Variants in SGCZ observed in about 807,000 individuals in gnomAD.
The protein encoded by SGCZ is sarcoglycan zeta.
Under a neutral mutation model 41.3 loss-of-function variants are expected in SGCZ, and 40 were observed. The observed-to-expected ratio is 0.97, with a 90% CI of 0.75 to 1.26. The LOEUF (loss-of-function observed/expected upper bound fraction) is 1.26. Among genes scored for constraint, SGCZ ranks in the 50% most tolerant of loss-of-function variants. The pLI is 0.00. For missense variants in SGCZ, 552 were observed against 369.8 expected (o/e 1.49, Z -4.04); for synonymous variants, 206 against 137.5 (o/e 1.50, Z -3.49).
At chr8:14,783,557 A>T (rs1800656516) in intron 1 of SGCZ, among the ~76,000 whole-genome samples, 1 of 151,718 alleles carries the variant, frequency 6.6e-6, no homozygotes, top group Non-Finnish European at 1.5e-5. Context: ...ACAAAAATTT[A>T]AAATAACTAT....
In SGCZ at chr8:15,199,038, C is replaced by T. The variant is rs541441812; in HGVS notation, c.39+38547G>A. ...ATATGAGAGTATTAATACAGTGATT[C>T]GTTTAAAACATATTTCATGACTTTC... On this transcript the variant is annotated intron_variant, in intron 1 of 7. Coordinates refer to ENST00000382080, the MANE Select transcript of SGCZ (RefSeq NM_139167.4). Among the ~76,000 whole-genome samples, 6 of 152,186 alleles carry T rather than the reference C, an allele frequency of 3.9e-5. No homozygotes were observed. The South Asian group carries it at 1.2e-3, about 32-fold the overall frequency.
At chr8:14,141,821 T>A (rs182401185) in intron 5 of SGCZ, among the ~76,000 whole-genome samples, 5 of 152,184 alleles carry the variant, frequency 3.3e-5, no homozygotes, top group Admixed American at 2.6e-4. Flanking sequence ...ACTGGGTATA[T>A]ACCCAAAAGA....
Position 14,791,906 on chromosome 8 carries a change from A to T in SGCZ, c.40-236980T>A, listed in dbSNP as rs1428531313. Among the ~76,000 whole-genome samples the T allele has an allele frequency of 3.9e-5, 6 of 152,326 alleles. 1 individual carries two copies. The highest frequency in any genetic ancestry group is 1.2e-4 in the African/African-American group (5 of 41,582). On this transcript the variant is annotated intron_variant, in intron 1 of 7. Transcript: ENST00000382080. ...CAGATGGGTTACCTAAATCAATTCTAGCCGCACTTTCTCAATGCAAAGCAC... is the reference window on the plus strand; with the variant it reads ...CAGATGGGTTACCTAAATCAATTCTTGCCGCACTTTCTCAATGCAAAGCAC...
At chr8:14,495,834 T>C (rs967080214) in intron 2 of SGCZ, among the ~76,000 whole-genome samples, 1 of 152,114 alleles carries the variant, frequency 6.6e-6, no homozygotes, top group African/African-American at 2.4e-5. Context: ...GCCTAAAGTT[T>C]CAGGGGACTA....
intron 2 of SGCZ, among the ~76,000 whole-genome samples, chr8:14,327,003 G>A (rs1038038328): frequency 3.9e-5 from 6 of 152,048 alleles, no homozygotes; most frequent in African/African-American, 1.4e-4. Context: ...AAAAAAAATA[G>A]ATGTTTTCAA....
chr8:14,952,501 T>A (rs928743643), intron 1 of SGCZ, among the ~76,000 whole-genome samples: 4 of 152,178 alleles, frequency 2.6e-5, no homozygotes, highest in African/African-American at 7.2e-5. Flanking sequence ...GGAGGCATCA[T>A]TGAGTTAACC....
intron 1 of SGCZ, among the ~76,000 whole-genome samples, chr8:14,730,867 C>A (rs999981059): frequency 6.6e-6 from 1 of 151,690 alleles, no homozygotes; most frequent in African/African-American, 2.4e-5. Context: ...GAATGGCGAT[C>A]AATAAAAAGT....
At chr8:14,230,894 A>G (rs947416259) in intron 4 of SGCZ, among the ~76,000 whole-genome samples, 2 of 151,960 alleles carry the variant, frequency 1.3e-5, no homozygotes, top group African/African-American at 4.8e-5. Flanking sequence ...TCTACTGGTT[A>G]AAAAGTAAAG....
intron 1 of SGCZ, among the ~76,000 whole-genome samples, chr8:15,160,201 G>T (rs527505713): frequency 4.6e-5 from 7 of 152,186 alleles, no homozygotes; most frequent in East Asian, 1.9e-4. Flanking sequence ...ACATCTCAGG[G>T]AAGTGCAATA....
chr8:14,795,740 G>A (rs1196501807), intron 1 of SGCZ, among the ~76,000 whole-genome samples: 1 of 152,078 alleles, frequency 6.6e-6, no homozygotes, highest in East Asian at 1.9e-4. Flanking sequence ...CTTGTCTCAT[G>A]GAGGTTTGTT....
rs147140855 is a variant in SGCZ, at chr8:14,182,088, C to T, written c.425-17386G>A. On this transcript the variant is annotated intron_variant, in intron 4 of 7. Transcript: ENST00000382080. The stretch of plus-strand genomic sequence containing the variant: ...ATGTATACTGTATATGTGGCCTGTA[C>T]GCATAAGCCATGGGTACACTTATAG... Among the ~76,000 whole-genome samples, 859 of 152,226 alleles carry T rather than the reference C, an allele frequency of 5.6e-3. 5 individuals carry two copies. Among genetic ancestry groups the T allele is most frequent in the Middle Eastern group, 0.02 (6 of 294 alleles).
At chr8:14,099,717 C>T (rs1466824331) in intron 7 of SGCZ, among the ~76,000 whole-genome samples, 6 of 151,518 alleles carry the variant, frequency 4.0e-5, no homozygotes, top group African/African-American at 7.3e-5. Flanking sequence ...AAGAGCGAGA[C>T]TCTGTCTCAA....
intron 1 of SGCZ, among the ~76,000 whole-genome samples, chr8:15,056,675 G>C (rs906045640): frequency 3.9e-5 from 6 of 152,086 alleles, no homozygotes. Flanking sequence ...CATATTCGCA[G>C]CTGGCTAAAG....
chr8:14,941,885 G>T (rs912459934), intron 1 of SGCZ, among the ~76,000 whole-genome samples: 21 of 150,956 alleles, frequency 1.4e-4, no homozygotes, highest in African/African-American at 5.1e-4. Context: ...TTATATATAT[G>T]TTATATATAT....
chr8:15,005,602 G>C (rs1175887142), intron 1 of SGCZ, among the ~76,000 whole-genome samples: 1 of 150,332 alleles, frequency 6.7e-6, no homozygotes, highest in Non-Finnish European at 1.5e-5. Flanking sequence ...AAAGTGCTGG[G>C]ATGACAGGCA....
At chr8:14,836,470 C>A (rs966025333) in intron 1 of SGCZ, among the ~76,000 whole-genome samples, 1 of 152,034 alleles carries the variant, frequency 6.6e-6, no homozygotes, top group African/African-American at 2.4e-5. Context: ...AGTCTGTCGC[C>A]CTCCCTCTCT....
intron 1 of SGCZ, among the ~76,000 whole-genome samples, chr8:14,656,526 C>CT: frequency 6.9e-6 from 1 of 144,244 alleles, no homozygotes; most frequent in East Asian, 2.1e-4. Context: ...CTTTTCTTTT[C>CT]TTTCTTTTTT....
intron 2 of SGCZ, among the ~76,000 whole-genome samples, chr8:14,362,297 A>G (rs891593864): frequency 6.6e-5 from 10 of 152,154 alleles, no homozygotes; most frequent in African/African-American, 2.4e-4. Context: ...GAATCTAGAG[A>G]GGCAGTAGGC....
chr8:14,554,237 T>G (rs899293034), intron 2 of SGCZ, among the ~76,000 whole-genome samples: 5 of 152,072 alleles, frequency 3.3e-5, no homozygotes, highest in African/African-American at 1.2e-4. Context: ...CATTAGTCAA[T>G]GTACTTCAGG....
Sources: gnomAD v4.1 joint callset for allele counts (sites outside exome capture counted in the v4.1 genomes callset) on GRCh38, gnomAD v4.1.1 for gene constraint, MANE v1.5 for transcripts, NCBI Gene and HGNC (gene_info 2026-07-23, HGNC 2026-07-21) for gene names.